The following ATG5 variants were observed in gnomAD, a reference collection of about 807,000 sequenced individuals.
ATG5 encodes the protein autophagy protein 5.
A neutral mutation model predicts 36.5 loss-of-function variants in ATG5; 14 were observed. The ratio of observed to expected loss-of-function variants is 0.38; its 90% CI spans 0.25 to 0.60. The LOEUF is 0.60. Ranked by LOEUF, ATG5 falls within the 20% of genes least tolerant of loss-of-function variation. The pLI is 0.60. For missense variants in ATG5, 195 were observed against 326.7 expected, an observed-to-expected ratio of 0.60 and a Z score of 3.11; for synonymous variants, 95 against 101.5, an observed-to-expected ratio of 0.94 and a Z score of 0.38.
chr6:106,321,422 C>G (rs1771064432), intron 1 of ATG5, among the ~76,000 whole-genome samples: 2 of 151,644 alleles, frequency 1.3e-5, no homozygotes, highest in African/African-American at 4.8e-5. Flanking sequence ...GCAGTGGCGC[C>G]ATCTCGGCTC....
At chr6:106,219,403 C>G (rs575026268) in intron 6 of ATG5, among the ~76,000 whole-genome samples, 1 of 152,338 alleles carries the variant, frequency 6.6e-6, no homozygotes, top group Non-Finnish European at 1.5e-5. Context: ...ACATCTAACA[C>G]AGTCAGCCCT....
At position 106,202,617 on chromosome 6, in the gene ATG5, G is replaced by T. The variant is rs1247760096; in HGVS notation, c.574-528C>A. Among the ~76,000 whole-genome samples the T allele has an allele frequency of 2.0e-5, 3 of 152,114 alleles. No homozygotes were observed. In the East Asian group the frequency reaches 5.8e-4, roughly 29 times the overall value. On this transcript the variant is annotated intron_variant, in intron 6 of 7. Coordinates refer to ENST00000369076, the MANE Select transcript of ATG5 (RefSeq NM_004849.4). ...AATCCTTATTTTTAAGAAATTCATT[G>T]TTCAAGTGTTTAGGAAAGAAGTGCC...
rs1776921856 is a variant in ATG5, at chr6:106,213,235, A to G, written c.574-11146T>C. ...TGGATACAAAGATAAATAACATGCA[A>G]ACAACTGTAATACAGTGTTATGTGA... On this transcript the variant is annotated intron_variant, in intron 6 of 7. Transcript: ENST00000369076. Among the ~76,000 whole-genome samples the G allele has an allele frequency of 3.9e-5, 6 of 152,254 alleles. 1 individual carries two copies. In the South Asian group the frequency reaches 1.2e-3, roughly 31 times the overall value.
At chr6:106,280,456 T>A (rs183632915) in intron 4 of ATG5, among the ~76,000 whole-genome samples, 1 of 152,184 alleles carries the variant, frequency 6.6e-6, no homozygotes, top group East Asian at 1.9e-4. Flanking sequence ...TTTGACTAGG[T>A]TAAGCTTACT....
chr6:106,263,183 G>C (rs999251535), intron 5 of ATG5, among the ~76,000 whole-genome samples: 1 of 152,180 alleles, frequency 6.6e-6, no homozygotes, highest in African/African-American at 2.4e-5. Flanking sequence ...CATTACTGAG[G>C]CTTTACTAGG....
At chr6:106,275,887 C>T (rs1779625124) in intron 5 of ATG5, among the ~76,000 whole-genome samples, 1 of 152,194 alleles carries the variant, frequency 6.6e-6, no homozygotes, top group South Asian at 2.1e-4. Flanking sequence ...CACATAGTCT[C>T]CTCATAATGA....
intron 2 of ATG5, among the ~76,000 whole-genome samples, chr6:106,314,015 T>C (rs1770750782): frequency 6.6e-6 from 1 of 152,226 alleles, no homozygotes; most frequent in African/African-American, 2.4e-5. Flanking sequence ...GAGGTTTCTC[T>C]GGGTGAAGAA....
At chr6:106,205,941 T>TTTATTA (rs1776612594) in intron 6 of ATG5, among the ~76,000 whole-genome samples, 1 of 152,228 alleles carries the variant, frequency 6.6e-6, no homozygotes, top group Non-Finnish European at 1.5e-5. Flanking sequence ...CTGTTTAATA[T>TTTATTA]TTATTATACA....
intron 1 of ATG5, among the ~76,000 whole-genome samples, chr6:106,319,515 GT>G (rs933834617): frequency 3.9e-4 from 60 of 152,108 alleles, no homozygotes; most frequent in African/African-American, 1.3e-3. Context: ...TGCACTTTCT[GT>G]CCTTTCTGTG....
intron 5 of ATG5, among the ~76,000 whole-genome samples, chr6:106,256,193 T>TA (rs34007619): frequency 0.086 from 13,043 of 152,278 alleles, 592 homozygotes; most frequent in South Asian, 0.13. Context: ...ACAAATCCTT[T>TA]ATGCTTCTGG....
At chr6:106,210,057 AAT>A (rs1416903386) in intron 6 of ATG5, among the ~76,000 whole-genome samples, 1 of 152,192 alleles carries the variant, frequency 6.6e-6, no homozygotes, top group Non-Finnish European at 1.5e-5. Context: ...AGTCTACAAC[AAT>A]GACTTTTAAC....
At chr6:106,290,794 T>A (rs892323828) in intron 4 of ATG5, among the ~76,000 whole-genome samples, 5 of 152,242 alleles carry the variant, frequency 3.3e-5, no homozygotes, top group African/African-American at 1.2e-4. Flanking sequence ...GCATTCCAAA[T>A]GTTGACCCTT....
intron 4 of ATG5, among the ~76,000 whole-genome samples, chr6:106,291,574 A>G (rs1229961242): frequency 6.6e-6 from 1 of 151,478 alleles, no homozygotes; most frequent in East Asian, 1.9e-4. Context: ...GAGTGAATAA[A>G]TAAACAAGGA....
rs151260089 is a variant in ATG5 at position 106,201,954 on chromosome 6, T to C, written c.691+18A>G. ...ACAGAAAATGAAAGAAATGTTTTAA[T>C]GTTGCTGATTGTATTACCTTCAGGA... On this transcript the variant is annotated intron_variant, in intron 7 of 7. Transcript: ENST00000369076. The C allele has an allele frequency of 4.2e-5, 65 of 1,542,346 alleles. No individual in the cohort carries two copies. The African/African-American group carries it at 8.2e-4, about 19-fold the overall frequency.
chr6:106,226,418 C>T (rs559375806), intron 6 of ATG5, among the ~76,000 whole-genome samples: 1 of 152,078 alleles, frequency 6.6e-6, no homozygotes, highest in African/African-American at 2.4e-5. Flanking sequence ...TGCAAAGAAA[C>T]AAGTATAAGC....
At chr6:106,190,335 G>T (rs1394718972) in intron 7 of ATG5, among the ~76,000 whole-genome samples, 2 of 152,120 alleles carry the variant, frequency 1.3e-5, no homozygotes, top group Non-Finnish European at 2.9e-5. Flanking sequence ...ACCCACTCTT[G>T]CAAATCCTTT....
chr6:106,225,200 A>G (rs957431699), intron 6 of ATG5, among the ~76,000 whole-genome samples: 5 of 152,258 alleles, frequency 3.3e-5, no homozygotes, highest in African/African-American at 1.2e-4. Context: ...AAGGTGAACG[A>G]GCCAAATCAC....
chr6:106,240,229 AT>A (rs996817918), intron 6 of ATG5, among the ~76,000 whole-genome samples: 24 of 151,384 alleles, frequency 1.6e-4, no homozygotes, highest in Non-Finnish European at 2.5e-4. Flanking sequence ...ATATATTTAT[AT>A]TTTTTATATA....
At position 106,220,407 on chromosome 6, in the gene ATG5, A is replaced by G. The variant is rs142936634; in HGVS notation, c.574-18318T>C. 4.3e-3 allele frequency among the ~76,000 whole-genome samples: 647 copies of G among 151,714 alleles called. 5 individuals carry two copies. Among genetic ancestry groups the G allele is most frequent in the African/African-American group, 0.015 (615 of 41,536 alleles). ...CTTGAAAATTTAATAAAACCAAAAAACAGGCATCACACACAAGAACTGAGG... is the reference window on the plus strand; with the variant it reads ...CTTGAAAATTTAATAAAACCAAAAAGCAGGCATCACACACAAGAACTGAGG... On this transcript the variant is annotated intron_variant, in intron 6 of 7. Transcript: ENST00000369076.
Sources: gnomAD v4.1 joint callset for allele counts (sites outside exome capture counted in the v4.1 genomes callset) on GRCh38, gnomAD v4.1.1 for gene constraint, MANE v1.5 for transcripts, NCBI Gene and HGNC (gene_info 2026-07-23, HGNC 2026-07-21) for gene names.